NDUFAF6: variants seen among roughly 807,000 people sequenced by gnomAD.
NDUFAF6 encodes the protein NADH:ubiquinone oxidoreductase complex assembly factor 6, also known as NADH dehydrogenase (ubiquinone) complex I, assembly factor 6.
A neutral mutation model predicts 40.8 loss-of-function variants in NDUFAF6; 45 were observed. The observed-to-expected ratio is 1.10, with a 90% CI of 0.87 to 1.42. The LOEUF (loss-of-function observed/expected upper bound fraction) is 1.42, where lower values mean the gene tolerates loss of function less well. Among genes scored for constraint, NDUFAF6 ranks in the 40% most tolerant of loss-of-function variants. The probability of loss-of-function intolerance (pLI) is 0.00; values close to 1 mark genes in which losing one functional copy is unlikely to be tolerated. For synonymous variants in NDUFAF6, 185 were observed against 155.9 expected, an observed-to-expected ratio of 1.19 and a Z score of -1.39; for missense variants, 435 against 418.5, an observed-to-expected ratio of 1.04 and a Z score of -0.34.
intron 1 of NDUFAF6, among the ~76,000 whole-genome samples, chr8:94,976,636 T>C (rs962871984): frequency 6.6e-6 from 1 of 151,306 alleles, no homozygotes; most frequent in African/African-American, 2.4e-5. Flanking sequence ...ATCACACCAC[T>C]GCACTCCAAC....
chr8:95,007,757 G>T (rs893784607), intron 2 of NDUFAF6, among the ~76,000 whole-genome samples: 1 of 150,650 alleles, frequency 6.6e-6, no homozygotes, highest in African/African-American at 2.4e-5. Flanking sequence ...TTAAGTCAGG[G>T]TCTCCTCTGT....
Position 95,116,158 on chromosome 8 carries a change from A to AAAACC in NDUFAF6, n.547-108_547-104dup, listed in dbSNP as rs570067562. ...ATCTCAAAACAAAACAAAACAAAAC[A>AAAACC]AAACCAAAAAAACGAACAAACAAAA... On this transcript the variant is annotated intron_variant and non_coding_transcript_variant, in intron 5 of 5. Transcript: ENST00000523184. The AAAACC allele has an allele frequency of 1.5e-3, 236 of 158,728 alleles. 1 individual carries two copies. Among genetic ancestry groups the AAAACC allele is most frequent in the African/African-American group, 5.6e-3 (229 of 40,996 alleles). 9.8% of individuals were successfully genotyped at this position (158,728 alleles called of 1,614,324 possible).
chr8:95,103,880 A>G (rs891921816), downstream of NDUFAF6, among the ~76,000 whole-genome samples: 2 of 152,124 alleles, frequency 1.3e-5, no homozygotes, highest in Non-Finnish European at 2.9e-5. Context: ...CTCTTAATTG[A>G]TTGGGCTTAC....
intron 1 of NDUFAF6, chr8:94,939,820 C>A (rs375676973): frequency 2.6e-4 from 411 of 1,578,124 alleles, no homozygotes; most frequent in Non-Finnish European, 3.4e-4. Context: ...AATGCATGCT[C>A]AGTGGACTGC....
Position 95,025,160 on chromosome 8 carries a change from G to A in NDUFAF6, c.152G>A (p.Gly51Glu). 1 of 1,483,708 alleles carries A rather than the reference G, an allele frequency of 6.7e-7. No homozygotes were observed. The highest frequency in any genetic ancestry group is 8.9e-7 in the Non-Finnish European group (1 of 1,127,778). 91.9% of individuals were successfully genotyped at this position (1,483,708 alleles called of 1,614,324 possible). The change falls in exon 1 of 9, where the codon GGA becomes GAA. Residue 51 changes from glycine to glutamate, a missense_variant. By Grantham distance (98) the Gly-to-Glu change is moderately conservative. Coordinates refer to ENST00000396124, the MANE Select transcript of NDUFAF6 (RefSeq NM_152416.4). ...GGGCGGAGCGTGGCTGCGGCCAGCG[G>A]ACCGGGCGCCTGGGGCACTGACCAC... is the stretch of plus-strand genomic sequence containing the variant. The part of the protein sequence containing the change: ...VSGRSVAAAS[G>E]PGAWGTDHYC...
intron 1 of NDUFAF6, among the ~76,000 whole-genome samples, chr8:94,904,971 G>A (rs1341421497): frequency 2.6e-5 from 4 of 152,160 alleles, no homozygotes; most frequent in African/African-American, 4.8e-5. Flanking sequence ...AGGCCAAGGC[G>A]GGCGGATTAC....
At chr8:95,038,156 A>T (rs756574552) in intron 3 of NDUFAF6, among the ~76,000 whole-genome samples, 9 of 152,188 alleles carry the variant, frequency 5.9e-5, no homozygotes, top group Non-Finnish European at 1.3e-4. Context: ...TACAGGTGTG[A>T]GCCACTGTGC....
rs148826103 is a variant in NDUFAF6 at position 95,026,995 on chromosome 8, G to A, written c.197+1790G>A. Among the ~76,000 whole-genome samples, 1,149 of 152,226 alleles carry A rather than the reference G, an allele frequency of 7.5e-3. 10 individuals are homozygous for A. Among genetic ancestry groups the A allele is most frequent in the African/African-American group, 0.023 (969 of 41,540 alleles). On this transcript the variant is annotated intron_variant, in intron 1 of 8. Coordinates refer to ENST00000396124, the MANE Select transcript of NDUFAF6 (RefSeq NM_152416.4). The stretch of plus-strand genomic sequence containing the variant: ...CAGGAGGCTGAGGCTGCTATGAGCC[G>A]AGTTTGCTCCATTGCACTCCAGCTG...
chr8:95,044,796 C>T lies in NDUFAF6; in HGVS notation c.478-749C>T, dbSNP rs148630116. Among the ~76,000 whole-genome samples the T allele has an allele frequency of 3.0e-3, 454 of 150,996 alleles. 1 individual carries two copies. The highest frequency in any genetic ancestry group is 1.0e-2 in the African/African-American group (410 of 41,190). Reference sequence around the variant, plus strand: ...TAAACCCTGCATGTGGCATTTGATGCTGGTGTTAGTTTTTTCTGATTTTAA... The same window carrying T: ...TAAACCCTGCATGTGGCATTTGATGTTGGTGTTAGTTTTTTCTGATTTTAA... On this transcript the variant is annotated intron_variant, in intron 4 of 8. Coordinates refer to ENST00000396124, the MANE Select transcript of NDUFAF6 (RefSeq NM_152416.4).
upstream of NDUFAF6, among the ~76,000 whole-genome samples, chr8:94,955,990 A>T (rs1823036405): frequency 6.6e-6 from 1 of 152,236 alleles, no homozygotes; most frequent in East Asian, 1.9e-4. Flanking sequence ...TCCATAACTC[A>T]GAACAGAATT....
intron 1 of NDUFAF6, among the ~76,000 whole-genome samples, chr8:94,922,989 C>T (rs1294360757): frequency 6.6e-6 from 1 of 152,062 alleles, no homozygotes; most frequent in Non-Finnish European, 1.5e-5. Flanking sequence ...TTTCCAGTTG[C>T]TCTTAGGCAG....
At chr8:95,088,762 ATT>A (rs1563862646) in intron 2 of NDUFAF6, among the ~76,000 whole-genome samples, 5 of 113,614 alleles carry the variant, frequency 4.4e-5, no homozygotes, top group African/African-American at 1.4e-4. Context: ...ATTTTATTTT[ATT>A]TTATTATTTT....
At chr8:95,035,394 A>T (rs1488470635) in intron 2 of NDUFAF6, 60 bp from the exon 3 acceptor site, 15 of 1,579,960 alleles carry the variant, frequency 9.5e-6, no homozygotes, top group Non-Finnish European at 1.2e-5. Context: ...TCCCTCAAAG[A>T]TACTGATTTT....
chr8:94,915,661 G>A (rs1819083888), intron 1 of NDUFAF6, among the ~76,000 whole-genome samples: 1 of 152,154 alleles, frequency 6.6e-6, no homozygotes, highest in East Asian at 1.9e-4. Flanking sequence ...TTTTCACAGG[G>A]GCTGAACTAA....
At chr8:94,998,321 GA>G (rs1262519899) in intron 2 of NDUFAF6, among the ~76,000 whole-genome samples, 1 of 151,456 alleles carries the variant, frequency 6.6e-6, no homozygotes, top group East Asian at 1.9e-4. Flanking sequence ...GTCCCCAGAT[GA>G]CAACTATTGT....
At chr8:94,936,637 T>C (rs893737714) in intron 1 of NDUFAF6, among the ~76,000 whole-genome samples, 2 of 152,100 alleles carry the variant, frequency 1.3e-5, no homozygotes, top group African/African-American at 4.8e-5. Context: ...AGAATCACAA[T>C]GAAAACCTGG....
intron 7 of NDUFAF6, among the ~76,000 whole-genome samples, chr8:95,051,364 A>G (rs1473659056): frequency 1.3e-5 from 2 of 152,240 alleles, no homozygotes; most frequent in Non-Finnish European, 2.9e-5. Flanking sequence ...AGAGTTTTAC[A>G]TGCTACAGAG....
chr8:95,106,285 A>C (rs1347792813), downstream of NDUFAF6, among the ~76,000 whole-genome samples: 6 of 152,044 alleles, frequency 3.9e-5, no homozygotes, highest in Non-Finnish European at 8.8e-5. Context: ...AAAAAAAAAA[A>C]AAAAAGTGTA....
At chr8:94,945,177 T>C (rs1254613472) in intron 1 of NDUFAF6, among the ~76,000 whole-genome samples, 1 of 152,234 alleles carries the variant, frequency 6.6e-6, no homozygotes, top group Non-Finnish European at 1.5e-5. Flanking sequence ...AGTTAGGGTA[T>C]GAATCTACTT....
Sources: gnomAD v4.1 joint callset for allele counts (sites outside exome capture counted in the v4.1 genomes callset) on GRCh38, gnomAD v4.1.1 for gene constraint, MANE v1.5 for transcripts, NCBI Gene and HGNC (gene_info 2026-07-23, HGNC 2026-07-21) for gene names.